The following CDH8 variants were observed in gnomAD, a reference collection of about 807,000 sequenced individuals.
CDH8 encodes the protein cadherin 8.
In CDH8, 17 loss-of-function variants were observed where a neutral mutation model predicts 68.1. The observed-to-expected ratio is 0.25, with a 90% CI of 0.17 to 0.37. The LOEUF (loss-of-function observed/expected upper bound fraction) is 0.37, where lower values mean the gene tolerates loss of function less well. Ranked by LOEUF, CDH8 falls within the 10% of genes least tolerant of loss-of-function variation. The pLI, the probability that CDH8 is intolerant of heterozygous loss-of-function variation, is 1.00. For missense variants in CDH8, 763 were observed against 999.3 expected, an observed-to-expected ratio of 0.76 and a Z score of 3.19; for synonymous variants, 372 against 365.1, an observed-to-expected ratio of 1.02 and a Z score of -0.21.
intron 5 of CDH8, 53 bp downstream of exon 5, chr16:61,824,959 T>G: frequency 7.0e-7 from 1 of 1,438,468 alleles, no homozygotes; most frequent in Non-Finnish European, 9.6e-7. Flanking sequence ...TAATATAAAT[T>G]CAAATGGAAA....
rs891811513 is a variant in CDH8, at chr16:61,651,014, G to C, written c.*2594C>G. On this transcript the variant is annotated 3_prime_UTR_variant, in exon 12 of 12. Transcript: ENST00000577390. ...CTCCTGCTCACAGAAACCACTGTAC[G>C]AAGATTATCCTGTTGATTACCAATA... is the stretch of plus-strand genomic sequence containing the variant. 2.6e-5 allele frequency: 4 copies of C among 152,038 alleles called. No homozygotes were observed. Among genetic ancestry groups the C allele is most frequent in the Non-Finnish European group, 5.9e-5 (4 of 68,008 alleles). 9.4% of individuals were successfully genotyped at this position (152,038 alleles called of 1,614,324 possible). A position where few individuals can be genotyped will look rare whatever the true frequency, so the allele number is the denominator to read the frequency against.
At chr16:61,954,619 G>A (rs923864452) in intron 2 of CDH8, among the ~76,000 whole-genome samples, 3 of 150,580 alleles carry the variant, frequency 2.0e-5, no homozygotes, top group Non-Finnish European at 4.4e-5. Flanking sequence ...GGGGAATGGC[G>A]TGAACCCGGA....
At chr16:62,008,969 G>A (rs1901738923) in intron 2 of CDH8, among the ~76,000 whole-genome samples, 2 of 150,140 alleles carry the variant, frequency 1.3e-5, no homozygotes, top group South Asian at 4.2e-4. Flanking sequence ...ACACACATGA[G>A]TATGACAAAA....
intron 2 of CDH8, chr16:61,940,395 G>C (rs1169645363): frequency 1.6e-5 from 2 of 125,448 alleles, no homozygotes; most frequent in Non-Finnish European, 3.2e-5. Context: ...TGAACTACTT[G>C]ATCTTTTTTT....
At chr16:61,995,472 G>A (rs1296019326) in intron 2 of CDH8, among the ~76,000 whole-genome samples, 1 of 152,082 alleles carries the variant, frequency 6.6e-6, no homozygotes, top group Non-Finnish European at 1.5e-5. Flanking sequence ...CAGCCTCCCA[G>A]GTTCAAGCGA....
intron 3 of CDH8, among the ~76,000 whole-genome samples, chr16:61,894,914 G>T (rs1963843432): frequency 6.6e-6 from 1 of 151,778 alleles, no homozygotes; most frequent in African/African-American, 2.4e-5. Context: ...ATATTTTTTG[G>T]TGGAGCATGC....
In CDH8 at chr16:61,734,176, A is replaced by G. The variant is rs563830439; in HGVS notation, c.1415-6961T>C. 1.2e-4 allele frequency among the ~76,000 whole-genome samples: 18 copies of G among 152,210 alleles called. No individual in the cohort carries two copies. The East Asian group carries it at 3.3e-3, about 28-fold the overall frequency. ...GACTGAGAGATATGAAGAAAAGCAGACAGTTTTAGTGCAGCACATCACAGA... is the reference window on the plus strand; with the variant it reads ...GACTGAGAGATATGAAGAAAAGCAGGCAGTTTTAGTGCAGCACATCACAGA... On this transcript the variant is annotated intron_variant, in intron 8 of 11. Transcript: ENST00000577390.
At chr16:61,841,274 A>G (rs1173902435) in intron 4 of CDH8, among the ~76,000 whole-genome samples, 1 of 152,196 alleles carries the variant, frequency 6.6e-6, no homozygotes, top group African/African-American at 2.4e-5. Flanking sequence ...GTTTTTTGAG[A>G]AACCTCCAAA....
intron 7 of CDH8, among the ~76,000 whole-genome samples, chr16:61,812,033 T>C (rs1456421707): frequency 6.6e-6 from 1 of 152,128 alleles, no homozygotes; most frequent in Non-Finnish European, 1.5e-5. Context: ...TATAAGATAG[T>C]GGATCCCTTA....
At position 61,972,371 on chromosome 16, in the gene CDH8, CAAGA is replaced by C. The variant is rs911039835; in HGVS notation, c.252+48777_252+48780del. On this transcript the variant is annotated intron_variant, in intron 2 of 11. Coordinates refer to ENST00000577390, the MANE Select transcript of CDH8 (RefSeq NM_001796.5). ...TCTCAACTCCCTGAGGAGTGTTGTGCAAGAAACTCCTATTTTTGTAGTTAGGTGG... is the reference window on the plus strand; with the variant it reads ...TCTCAACTCCCTGAGGAGTGTTGTGCAACTCCTATTTTTGTAGTTAGGTGG... Among the ~76,000 whole-genome samples the C allele has an allele frequency of 2.2e-4, 34 of 152,026 alleles. 1 individual carries two copies. Among genetic ancestry groups the C allele is most frequent in the Admixed American group, 1.1e-3 (17 of 15,262 alleles).
chr16:61,774,655 CTTCA>C (rs1267186100), intron 8 of CDH8, among the ~76,000 whole-genome samples: 4 of 152,022 alleles, frequency 2.6e-5, no homozygotes, highest in African/African-American at 7.2e-5. Context: ...TATTTCCTTT[CTTCA>C]TTCATTCAGT....
At chr16:61,972,400 G>A (rs1965353521) in intron 2 of CDH8, among the ~76,000 whole-genome samples, 1 of 152,128 alleles carries the variant, frequency 6.6e-6, no homozygotes, top group African/African-American at 2.4e-5. Context: ...TAGTTAGGTG[G>A]GTTTTGAATG....
intron 2 of CDH8, among the ~76,000 whole-genome samples, chr16:61,994,551 C>G (rs1349060197): frequency 6.6e-6 from 1 of 152,200 alleles, no homozygotes; most frequent in Non-Finnish European, 1.5e-5. Context: ...TTATGACTCT[C>G]ATCTGATGTT....
rs141355975 is a variant in CDH8, at chr16:61,960,376, C to CAT, written c.253-58905_253-58904dup. ...GTGTGTGTATACACATACATATATA[C>CAT]ATGTGTGTGTGTATACACATACATA... On this transcript the variant is annotated intron_variant, in intron 2 of 11. Coordinates refer to ENST00000577390, the MANE Select transcript of CDH8 (RefSeq NM_001796.5). Among the ~76,000 whole-genome samples the CAT allele has an allele frequency of 4.5e-5, 4 of 89,314 alleles. 2 individuals are homozygous for CAT. In the Admixed American group the frequency reaches 4.8e-4, roughly 11 times the overall value. The allele number at this position is 89,314 out of a possible 152,430, so 58.6% of individuals were successfully genotyped here.
chr16:61,676,944 T>A (rs1053460091), intron 10 of CDH8, among the ~76,000 whole-genome samples: 3 of 152,036 alleles, frequency 2.0e-5, no homozygotes, highest in African/African-American at 4.8e-5. Flanking sequence ...TTGTTAATAG[T>A]GACGTAAGTG....
chr16:61,966,758 C>G (rs1157447671), intron 2 of CDH8, among the ~76,000 whole-genome samples: 1 of 152,120 alleles, frequency 6.6e-6, no homozygotes, highest in African/African-American at 2.4e-5. Flanking sequence ...AAACAATGAG[C>G]AATTTTTAAT....
At chr16:61,678,277 T>C (rs1963952161) in intron 10 of CDH8, among the ~76,000 whole-genome samples, 1 of 152,032 alleles carries the variant, frequency 6.6e-6, no homozygotes, top group South Asian at 2.1e-4. Flanking sequence ...GCACATGTTC[T>C]CAGAATCTCC....
At chr16:61,956,255 TCTC>T (rs1328557620) in intron 2 of CDH8, among the ~76,000 whole-genome samples, 1 of 152,170 alleles carries the variant, frequency 6.6e-6, no homozygotes, top group Non-Finnish European at 1.5e-5. Flanking sequence ...TCTCTTCTGA[TCTC>T]CTTTTTTAAA....
chr16:61,686,290 C>A (rs907934094), intron 10 of CDH8, among the ~76,000 whole-genome samples: 4 of 151,780 alleles, frequency 2.6e-5, no homozygotes, highest in Non-Finnish European at 5.9e-5. Context: ...GATTTTTTTG[C>A]CTGAATTATT....
Sources: allele counts gnomAD v4.1 joint callset (sites outside exome capture counted in the v4.1 genomes callset), GRCh38; gene constraint gnomAD v4.1.1; transcripts MANE v1.5; gene names NCBI Gene and HGNC (gene_info 2026-07-23, HGNC 2026-07-21).